The following RARB variants were observed in gnomAD, a reference collection of about 807,000 sequenced individuals.
RARB encodes retinoic acid receptor beta, also known as HBV-activated protein.
A neutral mutation model predicts 51.9 loss-of-function variants in RARB; 17 were observed. The ratio of observed to expected loss-of-function variants is 0.33; its 90% CI spans 0.22 to 0.49. RARB has a LOEUF of 0.49. RARB is among the 20% of genes least tolerant of loss of function. RARB has a pLI of 0.99. For missense variants in RARB, 369 were observed against 550.8 expected, an observed-to-expected ratio of 0.67 and a Z score of 3.30; for synonymous variants, 215 against 195.4, an observed-to-expected ratio of 1.10 and a Z score of -0.84.
At chr3:25,016,523 G>C (rs548023108) in intron 2 of RARB, among the ~76,000 whole-genome samples, 1 of 152,114 alleles carries the variant, frequency 6.6e-6, no homozygotes, top group Non-Finnish European at 1.5e-5. Flanking sequence ...TGTTAAGAAT[G>C]TTCCAACGTT....
At chr3:25,324,536 G>T in intron 5 of RARB, 1 of 160,900 alleles carries the variant, frequency 6.2e-6, no homozygotes. Context: ...ACACTATCAA[G>T]AAGAAGCTGA....
chr3:24,836,654 G>C (rs1175646626), intron 1 of RARB, among the ~76,000 whole-genome samples: 2 of 152,082 alleles, frequency 1.3e-5, no homozygotes, highest in Non-Finnish European at 2.9e-5. Context: ...CCTCATCCTT[G>C]GCCTCCTTTG....
intron 2 of RARB, among the ~76,000 whole-genome samples, chr3:24,968,121 A>C (rs1237711750): frequency 2.6e-5 from 4 of 152,156 alleles, no homozygotes; most frequent in African/African-American, 9.7e-5. Context: ...AAAGTATTGT[A>C]ATTCTTGAAA....
chr3:25,333,173 C>T (rs1365292659), intron 5 of RARB, among the ~76,000 whole-genome samples: 1 of 152,108 alleles, frequency 6.6e-6, no homozygotes, highest in Non-Finnish European at 1.5e-5. Flanking sequence ...TTGGAAAAAA[C>T]TACTTTAAAG....
chr3:24,886,155 T>C (rs1464219558), intron 2 of RARB, among the ~76,000 whole-genome samples: 1 of 152,198 alleles, frequency 6.6e-6, no homozygotes, highest in Non-Finnish European at 1.5e-5. Context: ...GAAAACACTA[T>C]TTTCGCCTCT....
chr3:25,407,645 A>G, intron 5 of RARB, among the ~76,000 whole-genome samples: 1 of 152,064 alleles, frequency 6.6e-6, no homozygotes, highest in South Asian at 2.1e-4. Context: ...GCATGCACGC[A>G]CACACACACA....
At chr3:24,877,146 A>G (rs1204153973) in intron 2 of RARB, among the ~76,000 whole-genome samples, 1 of 152,070 alleles carries the variant, frequency 6.6e-6, no homozygotes, top group African/African-American at 2.4e-5. Context: ...TAATATATCT[A>G]TATATCTTTT....
At chr3:24,926,591 C>T (rs928130860) in intron 2 of RARB, among the ~76,000 whole-genome samples, 2 of 151,918 alleles carry the variant, frequency 1.3e-5, no homozygotes, top group African/African-American at 4.8e-5. Flanking sequence ...AGTGATGCTT[C>T]GAGGTGTTTG....
intron 5 of RARB, among the ~76,000 whole-genome samples, chr3:25,362,971 GA>G (rs1057308097): frequency 6.6e-6 from 1 of 151,806 alleles, no homozygotes; most frequent in Non-Finnish European, 1.5e-5. Context: ...TGATGAGTAA[GA>G]AAAAAAGTTA....
At chr3:24,895,744 AAAT>A (rs1218627444) in intron 2 of RARB, among the ~76,000 whole-genome samples, 8 of 152,148 alleles carry the variant, frequency 5.3e-5, no homozygotes, top group Admixed American at 3.3e-4. Context: ...GAATGTGGGG[AAAT>A]AATAATCTTT....
Position 25,213,680 on chromosome 3 carries a change from C to G in RARB, c.178+39105C>G, listed in dbSNP as rs558319244. 2.0e-5 allele frequency among the ~76,000 whole-genome samples: 3 copies of G among 152,288 alleles called. No homozygotes were observed. The South Asian group carries it at 6.2e-4, about 32-fold the overall frequency. On this transcript the variant is annotated intron_variant, in intron 5 of 11. Transcript: ENST00000383772. ...AACAGCTTTTAAACAAAATGGAAGT[C>G]AGTCCTGCTGAAGGCAGGCATACTG...
rs922581325 is a variant in RARB at position 25,494,501 on chromosome 3, A to T, written c.307-6681A>T. On this transcript the variant is annotated intron_variant, in intron 2 of 7. Coordinates refer to ENST00000330688, the MANE Select transcript of RARB (RefSeq NM_000965.5). ...TCAGTAAATATTTTATGTGTCTGCA[A>T]TATGTGGATCAGGCACTACAGTGGA... is the stretch of plus-strand genomic sequence containing the variant. Among the ~76,000 whole-genome samples the T allele has an allele frequency of 3.8e-4, 58 of 152,154 alleles. 1 individual carries two copies. The highest frequency in any genetic ancestry group is 3.3e-4 in the Admixed American group (5 of 15,284).
Position 25,543,531 on chromosome 3 carries a change from G to A in RARB, c.449-26227G>A, listed in dbSNP as rs114596858. On this transcript the variant is annotated intron_variant, in intron 3 of 7. Transcript: ENST00000330688. ...GCAATGTGGCAAATCCACTCATTCT[G>A]GGTGGTTGGCCAAGGGGGTCACAGT... 8.9e-4 allele frequency among the ~76,000 whole-genome samples: 136 copies of A among 152,210 alleles called. 2 individuals carry two copies. Among genetic ancestry groups the A allele is most frequent in the African/African-American group, 2.8e-3 (118 of 41,540 alleles).
intron 2 of RARB, among the ~76,000 whole-genome samples, chr3:25,026,329 C>G (rs1276150427): frequency 6.6e-6 from 1 of 152,152 alleles, no homozygotes; most frequent in Non-Finnish European, 1.5e-5. Context: ...CACAATTTTT[C>G]TTAAAGTCTT....
intron 5 of RARB, among the ~76,000 whole-genome samples, chr3:25,338,081 C>T (rs1362988856): frequency 3.6e-5 from 5 of 140,416 alleles, no homozygotes; most frequent in African/African-American, 1.3e-4. Context: ...GTATGTCACC[C>T]CCCTCCAAAC....
At chr3:25,229,303 A>T (rs1702123864) in intron 5 of RARB, among the ~76,000 whole-genome samples, 1 of 152,120 alleles carries the variant, frequency 6.6e-6, no homozygotes, top group Non-Finnish European at 1.5e-5. Context: ...TAAGAAAGAT[A>T]ATATACATAA....
At chr3:25,545,982 A>C (rs1368066665) in intron 3 of RARB, among the ~76,000 whole-genome samples, 1 of 152,214 alleles carries the variant, frequency 6.6e-6, no homozygotes, top group Non-Finnish European at 1.5e-5. Flanking sequence ...CCTTATGAGA[A>C]GGTGACACAT....
chr3:24,834,218 C>A (rs1263837693), intron 1 of RARB, among the ~76,000 whole-genome samples: 1 of 152,156 alleles, frequency 6.6e-6, no homozygotes, highest in African/African-American at 2.4e-5. Context: ...TGGAATTTCA[C>A]TTTTGCCAAA....
At chr3:25,406,963 T>C (rs1707426558) in intron 5 of RARB, among the ~76,000 whole-genome samples, 1 of 152,226 alleles carries the variant, frequency 6.6e-6, no homozygotes. Context: ...CTTCCTTCTC[T>C]CTGCCTTTAA....
Sources: allele counts gnomAD v4.1 joint callset (sites outside exome capture counted in the v4.1 genomes callset), GRCh38; gene constraint gnomAD v4.1.1; transcripts MANE v1.5; gene names NCBI Gene and HGNC (gene_info 2026-07-23, HGNC 2026-07-21).